The following LIFR variants were observed in gnomAD, a reference collection of about 807,000 sequenced individuals.
LIFR encodes the protein LIF receptor subunit alpha.
A neutral mutation model predicts 122.2 loss-of-function variants in LIFR; 84 were observed. That is an observed-to-expected ratio of 0.69 (90% CI 0.58 to 0.82). The LOEUF (loss-of-function observed/expected upper bound fraction) is 0.82. Among genes scored for constraint, LIFR ranks in the 40% least tolerant of loss-of-function variants. LIFR has a pLI of 0.00. For synonymous variants in LIFR, 422 were observed against 434.7 expected (o/e 0.97, Z 0.36); for missense variants, 1,294 against 1,311.6 (o/e 0.99, Z 0.21).
At chr5:38,536,477 C>T (rs1004401199) in intron 1 of LIFR, among the ~76,000 whole-genome samples, 7 of 152,152 alleles carry the variant, frequency 4.6e-5, no homozygotes, top group East Asian at 3.9e-4. Context: ...TATACAAATA[C>T]CACACCATTT....
At position 38,506,603 on chromosome 5, in the gene LIFR, A is replaced by T. The variant is rs1745499133; in HGVS notation, c.1021T>A (p.Cys341Ser). ...ATTTCTTTTAAATCATGTGTCTCAC[A>T]ATTCAGTTGTTGAGGAGTATCTGGT... ...YPPDTPQQLN[C>S]ETHDLKEIIC... Residue 341 changes from cysteine (C) to serine (S), a missense_variant, in exon 8 of 20, where the codon TGT becomes AGT. By Grantham distance (112) the Cys-to-Ser change is moderately radical (BLOSUM62 -1). Transcript: ENST00000453190. 6.2e-7 allele frequency: 1 copy of T among 1,613,614 alleles called. No homozygotes were observed. Among genetic ancestry groups the T allele is most frequent in the Non-Finnish European group, 8.5e-7 (1 of 1,179,536 alleles).
At chr5:38,563,874 C>G (rs1175660106) in intron 1 of LIFR, among the ~76,000 whole-genome samples, 3 of 152,230 alleles carry the variant, frequency 2.0e-5, no homozygotes, top group African/African-American at 4.8e-5. Context: ...GTGCTGGCCA[C>G]TGAACCTTCT....
At chr5:38,557,427 C>T (rs1452344321), upstream of LIFR, 1 of 154,792 alleles carries the variant, frequency 6.5e-6, no homozygotes, top group Admixed American at 6.5e-5. Context: ...CGCAGAATCA[C>T]GGTCTGAAGA....
chr5:38,486,426 C>A (rs1471238626), intron 16 of LIFR, among the ~76,000 whole-genome samples: 2 of 152,076 alleles, frequency 1.3e-5, no homozygotes, highest in Non-Finnish European at 2.9e-5. Flanking sequence ...TGACTCCAAA[C>A]CACTTAGAAA....
chr5:38,585,094 GT>G (rs1749704931), intron 1 of LIFR, among the ~76,000 whole-genome samples: 2 of 152,102 alleles, frequency 1.3e-5, no homozygotes, highest in Non-Finnish European at 2.9e-5. Context: ...TGCCATAAGT[GT>G]TTTTATTATC....
intron 18 of LIFR, among the ~76,000 whole-genome samples, chr5:38,483,769 A>G (rs1379145029): frequency 6.6e-6 from 1 of 152,182 alleles, no homozygotes; most frequent in Non-Finnish European, 1.5e-5. Flanking sequence ...TAATGAGAAT[A>G]TGGTTACCAA....
At chr5:38,511,330 G>A (rs1043138017) in intron 6 of LIFR, among the ~76,000 whole-genome samples, 5 of 152,000 alleles carry the variant, frequency 3.3e-5, no homozygotes, top group Non-Finnish European at 5.9e-5. Context: ...CCCCCTATTC[G>A]AAACTGCCAA....
At chr5:38,543,276 T>C (rs1440682157) in intron 1 of LIFR, among the ~76,000 whole-genome samples, 1 of 152,040 alleles carries the variant, frequency 6.6e-6, no homozygotes, top group Admixed American at 6.6e-5. Flanking sequence ...CCCAAGCACT[T>C]AACCTGTACT....
At chr5:38,489,794 G>A (rs1411272198) in intron 15 of LIFR, among the ~76,000 whole-genome samples, 1 of 147,078 alleles carries the variant, frequency 6.8e-6, no homozygotes, top group South Asian at 2.2e-4. Context: ...GGAATTTTGA[G>A]ACCAGCCTGG....
chr5:38,559,526 A>T (rs1748752673), upstream of LIFR, among the ~76,000 whole-genome samples: 1 of 152,234 alleles, frequency 6.6e-6, no homozygotes, highest in South Asian at 2.1e-4. Flanking sequence ...TGTGTTGTAA[A>T]TTCTAATTTA....
intron 1 of LIFR, among the ~76,000 whole-genome samples, chr5:38,554,131 T>C (rs892131930): frequency 3.9e-5 from 6 of 152,334 alleles, no homozygotes; most frequent in African/African-American, 1.4e-4. Flanking sequence ...ATTTAAACAC[T>C]TAAGAATTTT....
intron 2 of LIFR, among the ~76,000 whole-genome samples, chr5:38,602,668 G>A (rs1580254863): frequency 6.6e-6 from 1 of 152,142 alleles, no homozygotes; most frequent in Non-Finnish European, 1.5e-5. Context: ...TCTGCAGCTA[G>A]CACAATGCTT....
In LIFR at chr5:38,512,456, A is replaced by AAAAAAATAAAAAAAT. The variant is rs770474638; in HGVS notation, c.562-507_562-493dup. The stretch of plus-strand genomic sequence containing the variant: ...CAATACGGCGAAACCCCATCTCTAC[A>AAAAAAATAAAAAAAT]AAAAAATAAAAAAATAAAAAATAAA... On this transcript the variant is annotated intron_variant, in intron 5 of 19. Transcript: ENST00000453190. Among the ~76,000 whole-genome samples the AAAAAAATAAAAAAAT allele has an allele frequency of 1.6e-3, 240 of 151,680 alleles. 1 individual carries two copies. The highest frequency in any genetic ancestry group is 2.9e-3 in the Non-Finnish European group (196 of 67,924).
chr5:38,498,712 G>A (rs897962454), intron 12 of LIFR, among the ~76,000 whole-genome samples: 2 of 152,118 alleles, frequency 1.3e-5, no homozygotes, highest in African/African-American at 2.4e-5. Context: ...TTGTATAATC[G>A]TTGCTATATT....
chr5:38,513,502 T>C (rs1482296468), intron 5 of LIFR, among the ~76,000 whole-genome samples: 1 of 152,204 alleles, frequency 6.6e-6, no homozygotes, highest in Non-Finnish European at 1.5e-5. Context: ...TCTGGAAAAG[T>C]AAAACAGAAT....
At chr5:38,537,423 C>G (rs1747350198) in intron 1 of LIFR, among the ~76,000 whole-genome samples, 1 of 152,168 alleles carries the variant, frequency 6.6e-6, no homozygotes, top group Non-Finnish European at 1.5e-5. Flanking sequence ...ACTCATATCC[C>G]ACTTCAACTA....
chr5:38,583,491 A>T (rs1749652431), intron 1 of LIFR, among the ~76,000 whole-genome samples: 1 of 152,224 alleles, frequency 6.6e-6, no homozygotes, highest in South Asian at 2.1e-4. Flanking sequence ...ACTGCAAAGG[A>T]AACAGTCAAC....
At chr5:38,514,415 A>C in intron 5 of LIFR, among the ~76,000 whole-genome samples, 1 of 152,208 alleles carries the variant, frequency 6.6e-6, no homozygotes, top group East Asian at 1.9e-4. Context: ...ACACCCAGTT[A>C]AACTAGTAAT....
chr5:38,589,067 G>A (rs1377259628), intron 1 of LIFR, among the ~76,000 whole-genome samples: 1 of 149,382 alleles, frequency 6.7e-6, no homozygotes, highest in Non-Finnish European at 1.5e-5. Flanking sequence ...GCGCGATCTT[G>A]GCTCACTGCT....
Sources: gnomAD v4.1 joint callset for allele counts (sites outside exome capture counted in the v4.1 genomes callset) on GRCh38, gnomAD v4.1.1 for gene constraint, MANE v1.5 for transcripts, NCBI Gene and HGNC (gene_info 2026-07-23, HGNC 2026-07-21) for gene names.